The following NELL1 variants were observed in gnomAD, a reference collection of about 807,000 sequenced individuals.
The protein encoded by NELL1 is protein kinase C-binding protein NELL1.
NELL1 carries 76 observed loss-of-function variants against 107.4 expected under a neutral mutation model. That is an observed-to-expected ratio of 0.71 (90% CI 0.59 to 0.86). The LOEUF is 0.86. Ranked by LOEUF, NELL1 falls within the 40% of genes least tolerant of loss-of-function variation. The pLI is 0.00. For missense variants in NELL1, 1,024 were observed against 1,005.5 expected (o/e 1.02, Z -0.25); for synonymous variants, 353 against 341.2 (o/e 1.03, Z -0.38).
chr11:20,988,471 A>G (rs1851900305), intron 12 of NELL1, among the ~76,000 whole-genome samples: 1 of 151,070 alleles, frequency 6.6e-6, no homozygotes, highest in South Asian at 2.1e-4. Context: ...ATGTGTGTAT[A>G]TATATCTATA....
chr11:20,749,378 T>A (rs555409373), intron 2 of NELL1, among the ~76,000 whole-genome samples: 1 of 152,134 alleles, frequency 6.6e-6, no homozygotes, highest in Non-Finnish European at 1.5e-5. Context: ...GGTCGGTGGA[T>A]GCTTGAGCCC....
intron 1 of NELL1, chr11:20,670,477 G>T (rs372339956): frequency 0.26 from 7,231 of 27,792 alleles, 243 homozygotes; most frequent in South Asian, 0.53. Flanking sequence ...GCAGGGTTCC[G>T]TGTGGGGAGG....
At chr11:21,202,236 G>C (rs915580467) in intron 13 of NELL1, among the ~76,000 whole-genome samples, 2 of 152,160 alleles carry the variant, frequency 1.3e-5, no homozygotes, top group African/African-American at 4.8e-5. Flanking sequence ...GTAGAATTTG[G>C]CTGTGAATCC....
At chr11:21,406,306 G>A (rs1852234959) in intron 15 of NELL1, among the ~76,000 whole-genome samples, 1 of 151,906 alleles carries the variant, frequency 6.6e-6, no homozygotes, top group Non-Finnish European at 1.5e-5. Context: ...ACGTGTTTTT[G>A]ATTAATCATA....
chr11:21,166,923 C>T (rs16907595), intron 13 of NELL1, among the ~76,000 whole-genome samples: 7,745 of 151,826 alleles, frequency 0.051, 681 homozygotes, highest in African/African-American at 0.15. Context: ...TCTTCCCAAG[C>T]TTAAAAGTCC....
chr11:21,012,341 C>A (rs553172047), intron 12 of NELL1, among the ~76,000 whole-genome samples: 1 of 152,090 alleles, frequency 6.6e-6, no homozygotes, highest in South Asian at 2.1e-4. Flanking sequence ...CATTCAAGAC[C>A]ACACAGTTTT....
intron 3 of NELL1, among the ~76,000 whole-genome samples, chr11:20,807,755 A>G (rs953609863): frequency 1.3e-5 from 2 of 151,980 alleles, no homozygotes; most frequent in African/African-American, 4.8e-5. Flanking sequence ...TGGCACCCAT[A>G]ATGTAAGACA....
chr11:21,447,449 C>T (rs1853460864), intron 15 of NELL1, among the ~76,000 whole-genome samples: 1 of 152,176 alleles, frequency 6.6e-6, no homozygotes, highest in Non-Finnish European at 1.5e-5. Flanking sequence ...CTGGTTACTT[C>T]TGCTGATTAT....
chr11:21,448,742 C>G (rs1853507820), intron 15 of NELL1, among the ~76,000 whole-genome samples: 1 of 152,166 alleles, frequency 6.6e-6, no homozygotes, highest in South Asian at 2.1e-4. Context: ...CCTGTCACTT[C>G]CAAATGACAA....
At chr11:21,055,902 G>A (rs1853604076) in intron 12 of NELL1, among the ~76,000 whole-genome samples, 1 of 152,154 alleles carries the variant, frequency 6.6e-6, no homozygotes, top group Admixed American at 6.6e-5. Context: ...AATGAGGATG[G>A]GAAAGGAGGG....
intron 12 of NELL1, among the ~76,000 whole-genome samples, chr11:20,972,375 A>G (rs1851519487): frequency 6.6e-6 from 1 of 152,058 alleles, no homozygotes; most frequent in South Asian, 2.1e-4. Flanking sequence ...TAGGAAGGGG[A>G]GGGCTAATTC....
At chr11:21,037,626 T>C (rs531242321) in intron 12 of NELL1, among the ~76,000 whole-genome samples, 1 of 152,306 alleles carries the variant, frequency 6.6e-6, no homozygotes, top group South Asian at 2.1e-4. Context: ...AAAATCTAAA[T>C]CCTTCTCTGC....
intron 3 of NELL1, among the ~76,000 whole-genome samples, chr11:20,829,596 G>A (rs1007670628): frequency 6.6e-6 from 1 of 151,820 alleles, no homozygotes; most frequent in Admixed American, 6.6e-5. Context: ...ATGAATATAG[G>A]ATTTTTTCTG....
At chr11:21,280,375 G>C (rs938147876) in intron 14 of NELL1, among the ~76,000 whole-genome samples, 1 of 152,110 alleles carries the variant, frequency 6.6e-6, no homozygotes, top group East Asian at 1.9e-4. Context: ...CAAAAATCAG[G>C]TGAGCATTCA....
At chr11:21,153,436 TTAAA>T (rs761030446) in intron 13 of NELL1, among the ~76,000 whole-genome samples, 2 of 152,128 alleles carry the variant, frequency 1.3e-5, no homozygotes, top group East Asian at 1.9e-4. Flanking sequence ...ATTTATTTCA[TTAAA>T]TAAATTATTT....
At chr11:21,255,040 T>G (rs1374927700) in intron 14 of NELL1, among the ~76,000 whole-genome samples, 1 of 152,100 alleles carries the variant, frequency 6.6e-6, no homozygotes, top group Non-Finnish European at 1.5e-5. Context: ...CAGGGTAGAA[T>G]GCACTCTCCA....
At chr11:21,346,700 T>C (rs1323418365) in intron 14 of NELL1, among the ~76,000 whole-genome samples, 2 of 149,368 alleles carry the variant, frequency 1.3e-5, no homozygotes, top group Admixed American at 1.3e-4. Flanking sequence ...TGATATATAA[T>C]GTGTGACTAT....
chr11:21,219,814 T>G (rs562260308), intron 13 of NELL1, among the ~76,000 whole-genome samples: 170 of 152,328 alleles, frequency 1.1e-3, no homozygotes, highest in African/African-American at 4.0e-3. Flanking sequence ...CACATTGCTA[T>G]TAAGAACTAC....
At position 21,349,168 on chromosome 11, in the gene NELL1, GA is replaced by G. The variant is rs60973073; in HGVS notation, c.1550-21676del. Reference sequence around the variant, plus strand: ...GAATGGAAAGAGAAAATAACAAGAGGAAAAAAAAATTCTTGCTTTTAAGGCA... The same window carrying G: ...GAATGGAAAGAGAAAATAACAAGAGGAAAAAAAATTCTTGCTTTTAAGGCA... On this transcript the variant is annotated intron_variant, in intron 14 of 19. Transcript: ENST00000357134. Among the ~76,000 whole-genome samples the G allele has an allele frequency of 4.0e-5, 6 of 151,216 alleles. No individual in the cohort carries two copies. The South Asian group carries it at 6.3e-4, about 16-fold the overall frequency.
Sources: allele counts gnomAD v4.1 joint callset (sites outside exome capture counted in the v4.1 genomes callset), GRCh38; gene constraint gnomAD v4.1.1; transcripts MANE v1.5; gene names NCBI Gene and HGNC (gene_info 2026-07-23, HGNC 2026-07-21).